KIFC1: variants seen among roughly 807,000 people sequenced by gnomAD.
KIFC1 encodes kinesin family member C1, also known as kinesin-like protein KIFC1.
In KIFC1, 37 loss-of-function variants were observed where a neutral mutation model predicts 66.6. The ratio of observed to expected loss-of-function variants is 0.56; its 90% CI spans 0.43 to 0.73. The LOEUF (loss-of-function observed/expected upper bound fraction) is 0.73. KIFC1 is among the 30% of genes least tolerant of loss of function. KIFC1 has a pLI of 0.00. For missense variants in KIFC1, 721 were observed against 859.8 expected (o/e 0.84, Z 2.02); for synonymous variants, 325 against 343.5 (o/e 0.95, Z 0.60).
chr6:33,399,332 T>C (rs1427728904), intron 3 of KIFC1, among the ~76,000 whole-genome samples: 1 of 151,624 alleles, frequency 6.6e-6, no homozygotes, highest in Non-Finnish European at 1.5e-5. Context: ...GAGGTTGCAG[T>C]GAGCCGAGAT....
chr6:33,403,720 T>TC lies in KIFC1; in HGVS notation c.356-8dup, dbSNP rs771995528. 1.7e-5 allele frequency: 27 copies of TC among 1,609,004 alleles called. No individual in the cohort carries two copies. The highest frequency in any genetic ancestry group is 2.3e-5 in the Non-Finnish European group (27 of 1,177,090). On this transcript the variant is annotated splice_polypyrimidine_tract_variant and intron_variant, in intron 5 of 10. Coordinates refer to ENST00000428849, the MANE Select transcript of KIFC1 (RefSeq NM_002263.4). This position sits in a 1 kb window ranked among gnomAD's most constrained non-coding sequence, Gnocchi z 4.6. Reference sequence around the variant, plus strand: ...TCACTGACCTTTGTCCTTTCTGTGTTCATCTTAGCATCAGGTGTTCCTCCC... The same window carrying TC: ...TCACTGACCTTTGTCCTTTCTGTGTTCCATCTTAGCATCAGGTGTTCCTCCC...
chr6:33,402,817 G>A (rs974598132), intron 3 of KIFC1, among the ~76,000 whole-genome samples: 5 of 149,894 alleles, frequency 3.3e-5, no homozygotes, highest in African/African-American at 1.2e-4. Context: ...GTGAAACCCC[G>A]TCTTTACTAA....
intron 1 of KIFC1, among the ~76,000 whole-genome samples, chr6:33,395,287 A>AT (rs1258592607): frequency 1.1e-4 from 16 of 152,160 alleles, no homozygotes; most frequent in African/African-American, 3.4e-4. Flanking sequence ...TTTCGAAGAA[A>AT]TAATAGAGTT....
rs927547864 is a variant in KIFC1 at position 33,400,159 on chromosome 6, G to A, written c.250+1772G>A. On this transcript the variant is annotated intron_variant, in intron 3 of 10. Coordinates refer to ENST00000428849, the MANE Select transcript of KIFC1 (RefSeq NM_002263.4). The surrounding 1 kb of genome is among the most constrained non-coding windows in gnomAD (Gnocchi z 4.3). Reference sequence around the variant, plus strand: ...ACAGCCCATAGACTGGGCAGTCCCCGGAATCTCTTTAATGGTTCCAGAGAG... The same window carrying A: ...ACAGCCCATAGACTGGGCAGTCCCCAGAATCTCTTTAATGGTTCCAGAGAG... The A allele has an allele frequency of 5.1e-5, 69 of 1,345,348 alleles. No homozygotes were observed. The highest frequency in any genetic ancestry group is 6.6e-5 in the Non-Finnish European group (63 of 950,904). The allele number at this position is 1,345,348 out of a possible 1,614,324, so 83.3% of individuals were successfully genotyped here.
At chr6:33,409,568 G>A in intron 10 of KIFC1, 78 bp from the exon 11 acceptor site, 1 of 1,393,070 alleles carries the variant, frequency 7.2e-7, no homozygotes, top group East Asian at 2.3e-5. Flanking sequence ...CCCTAGCATT[G>A]GAGGATGGGA....
At chr6:33,393,414 C>T (rs1045228468) in intron 1 of KIFC1, among the ~76,000 whole-genome samples, 1 of 143,650 alleles carries the variant, frequency 7.0e-6, no homozygotes, top group African/African-American at 2.6e-5. Context: ...ACCAGATTTT[C>T]GTAACCATAG....
At chr6:33,397,019 T>G (rs1433493108) in intron 1 of KIFC1, among the ~76,000 whole-genome samples, 2 of 135,876 alleles carry the variant, frequency 1.5e-5, no homozygotes, top group African/African-American at 5.6e-5. Context: ...AGACGTAGTC[T>G]CGCTCTGTCA....
At chr6:33,407,943 C>A (rs1775734299) in intron 10 of KIFC1, among the ~76,000 whole-genome samples, 2 of 152,230 alleles carry the variant, frequency 1.3e-5, no homozygotes, top group African/African-American at 4.8e-5. Context: ...GCGCTTGGGC[C>A]TCCTCCCAGT....
At chr6:33,399,439 A>G (rs751851848) in intron 3 of KIFC1, among the ~76,000 whole-genome samples, 27 of 152,134 alleles carry the variant, frequency 1.8e-4, no homozygotes, top group African/African-American at 6.3e-4. Flanking sequence ...ATACAGTATA[A>G]CAGTTATGGT....
chr6:33,392,027 C>CT, intron 1 of KIFC1, 30 bp downstream of exon 1: 1 of 1,612,918 alleles, frequency 6.2e-7, no homozygotes, highest in African/African-American at 1.3e-5. Flanking sequence ...GTGTCCTGCC[C>CT]TGGGGATGGG....
chr6:33,400,855 T>G lies in KIFC1; in HGVS notation c.251-2459T>G, dbSNP rs1368727027. ...TTTTAATAGAGACAGGGTTTCACCA[T>G]GTTAGCCAGGATGGTCTCGATCTCC... On this transcript the variant is annotated intron_variant, in intron 3 of 10. Coordinates refer to ENST00000428849, the MANE Select transcript of KIFC1 (RefSeq NM_002263.4). This position sits in a 1 kb window ranked among gnomAD's most constrained non-coding sequence, Gnocchi z 4.3. Among the ~76,000 whole-genome samples the G allele has an allele frequency of 6.6e-6, 1 of 152,222 alleles. No homozygotes were observed. The highest frequency in any genetic ancestry group is 2.4e-5 in the African/African-American group (1 of 41,472).
intron 10 of KIFC1, chr6:33,407,173 C>A: frequency 2.4e-6 from 2 of 847,654 alleles, no homozygotes; most frequent in Non-Finnish European, 3.3e-6. Flanking sequence ...CTTCGGGAGG[C>A]CAAGGCAGGA....
rs1441105751 is a variant in KIFC1 at position 33,400,677 on chromosome 6, C to T, written c.250+2290C>T. ...CTCTTTTTTTTTTGAGATGGAGTCT[C>T]GCTCTGTCGCCCAGGCTGGAGTGCA... is the stretch of plus-strand genomic sequence containing the variant. On this transcript the variant is annotated intron_variant, in intron 3 of 10. Coordinates refer to ENST00000428849, the MANE Select transcript of KIFC1 (RefSeq NM_002263.4). The surrounding 1 kb of genome is among the most constrained non-coding windows in gnomAD (Gnocchi z 4.3). 5 of 605,456 alleles carry T rather than the reference C, an allele frequency of 8.3e-6. No homozygotes were observed. Among genetic ancestry groups the T allele is most frequent in the South Asian group, 1.9e-5 (1 of 52,240 alleles). 37.5% of individuals were successfully genotyped at this position (605,456 alleles called of 1,614,324 possible).
At chr6:33,398,967 G>A (rs1775235587) in intron 3 of KIFC1, among the ~76,000 whole-genome samples, 1 of 152,186 alleles carries the variant, frequency 6.6e-6, no homozygotes, top group Non-Finnish European at 1.5e-5. Flanking sequence ...CATAAATGGT[G>A]GCATACTTTA....
Position 33,404,121 on chromosome 6 carries a change from G to T in KIFC1, c.748G>T (p.Glu250Ter). 1 of 1,607,956 alleles carries T rather than the reference G, an allele frequency of 6.2e-7. No individual in the cohort carries two copies. ...GAGGGGACTGATGTCCCAACTAGAG[G>T]AGAAGGAGGTAAGGGCCAGATTTTC... Reference protein sequence around the residue: ...ERRGLMSQLEEKERRLQTSEA... With the variant: ...ERRGLMSQLE The change falls in exon 6 of 11, where the codon GAG becomes TAG. Residue 250 changes from glutamate (E) to a stop codon, truncating the protein, a stop_gained. Transcript: ENST00000428849. LOFTEE classifies it high-confidence loss of function. This position sits in a 1 kb window ranked among gnomAD's most constrained non-coding sequence, Gnocchi z 4.0.
At chr6:33,392,142 A>G (rs1229678259) in intron 1 of KIFC1, 145 bp downstream of exon 1, 2 of 929,880 alleles carry the variant, frequency 2.2e-6, no homozygotes, top group South Asian at 1.6e-5. Flanking sequence ...ACAAGTGGAA[A>G]GGGGCGGAGG....
At chr6:33,393,871 C>T (rs1467249361) in intron 1 of KIFC1, among the ~76,000 whole-genome samples, 9 of 150,226 alleles carry the variant, frequency 6.0e-5, no homozygotes, top group East Asian at 3.9e-4. Flanking sequence ...CTCAGCCTCC[C>T]GAGTAGCTGG....
At position 33,400,520 on chromosome 6, in the gene KIFC1, C is replaced by T. The variant is rs1175093007; in HGVS notation, c.250+2133C>T. Reference sequence around the variant, plus strand: ...TCACCTCTGGTGCACCTCAGGTATACGACCTTGATCTCGTTGGGGTCGAAC... The same window carrying T: ...TCACCTCTGGTGCACCTCAGGTATATGACCTTGATCTCGTTGGGGTCGAAC... On this transcript the variant is annotated intron_variant, in intron 3 of 10. Coordinates refer to ENST00000428849, the MANE Select transcript of KIFC1 (RefSeq NM_002263.4). The surrounding 1 kb of genome is among the most constrained non-coding windows in gnomAD (Gnocchi z 4.3). The T allele has an allele frequency of 1.6e-5, 25 of 1,574,836 alleles. No individual in the cohort carries two copies. Among genetic ancestry groups the T allele is most frequent in the African/African-American group, 1.1e-4 (8 of 74,108 alleles).
At position 33,406,910 on chromosome 6, in the gene KIFC1, G is replaced by A. The variant is rs199728061; in HGVS notation, c.1977+35G>A. ...CCACCCGTCAGCCTTGTCAGGACCC[G>A]TGGGTGGTTGTAGGCTTCTCCATTC... On this transcript the variant is annotated intron_variant, in intron 10 of 10. Transcript: ENST00000428849. This position sits in a 1 kb window ranked among gnomAD's most constrained non-coding sequence, Gnocchi z 4.5. 3.4e-5 allele frequency: 55 copies of A among 1,613,256 alleles called. No individual in the cohort carries two copies. Among genetic ancestry groups the A allele is most frequent in the Admixed American group, 2.8e-4 (17 of 59,890 alleles).
Sources: gnomAD v4.1 joint callset for allele counts (sites outside exome capture counted in the v4.1 genomes callset) on GRCh38, gnomAD v4.1.1 for gene constraint, Gnocchi (gnomAD v3.1) non-coding constraint, MANE v1.5 for transcripts, NCBI Gene and HGNC (gene_info 2026-07-23, HGNC 2026-07-21) for gene names.